FANCC: variants seen among roughly 807,000 people sequenced by gnomAD.
The protein encoded by FANCC is Fanconi anemia group C protein.
In FANCC, 55 loss-of-function variants were observed where a neutral mutation model predicts 71.3. The ratio of observed to expected loss-of-function variants is 0.77; its 90% CI spans 0.62 to 0.97. The LOEUF (loss-of-function observed/expected upper bound fraction) is 0.97. FANCC is among the 50% of genes least tolerant of loss of function. The pLI is 0.00. For synonymous variants in FANCC, 275 were observed against 244.9 expected, an observed-to-expected ratio of 1.12 and a Z score of -1.15; for missense variants, 678 against 670.9, an observed-to-expected ratio of 1.01 and a Z score of -0.12.
chr9:95,179,000 A>G (rs1182346845), intron 4 of FANCC, among the ~76,000 whole-genome samples: 1 of 152,164 alleles, frequency 6.6e-6, no homozygotes, highest in African/African-American at 2.4e-5. Context: ...TGATACTAAC[A>G]TTTCTTAGCC....
intron 4 of FANCC, among the ~76,000 whole-genome samples, chr9:95,232,054 A>C (rs1830040199): frequency 6.6e-6 from 1 of 152,234 alleles, no homozygotes; most frequent in African/African-American, 2.4e-5. Context: ...GAAGCACTGC[A>C]GCATCTGCTT....
In FANCC at chr9:95,284,915, T is replaced by C. The variant is rs919621804; in HGVS notation, c.-79+32611A>G. 1.4e-4 allele frequency among the ~76,000 whole-genome samples: 21 copies of C among 149,262 alleles called. No individual in the cohort carries two copies. The East Asian group carries it at 4.2e-3, about 29-fold the overall frequency. Reference sequence around the variant, plus strand: ...ACACACACACACACAAACATACGCATGCGCACACGCACAGAGAGAGACACG... The same window carrying C: ...ACACACACACACACAAACATACGCACGCGCACACGCACAGAGAGAGACACG... On this transcript the variant is annotated intron_variant, in intron 1 of 14. Coordinates refer to ENST00000289081, the MANE Select transcript of FANCC (RefSeq NM_000136.3).
chr9:95,107,709 T>C (rs2071563747), intron 13 of FANCC, among the ~76,000 whole-genome samples: 1 of 152,084 alleles, frequency 6.6e-6, no homozygotes, highest in South Asian at 2.1e-4. Flanking sequence ...CTTCTTGCTA[T>C]ATTGGGGGTC....
At chr9:95,180,680 C>T (rs962683585) in intron 4 of FANCC, among the ~76,000 whole-genome samples, 8 of 151,146 alleles carry the variant, frequency 5.3e-5, no homozygotes, top group African/African-American at 1.9e-4. Flanking sequence ...TCTAAAATAA[C>T]AAAAAGTATA....
At chr9:95,201,262 C>T (rs1827788594) in intron 4 of FANCC, among the ~76,000 whole-genome samples, 1 of 151,926 alleles carries the variant, frequency 6.6e-6, no homozygotes, top group African/African-American at 2.4e-5. Context: ...TAGCACACAC[C>T]CACCCGCTTG....
chr9:95,125,072 G>A lies in FANCC; in HGVS notation c.996+14C>T. The stretch of plus-strand genomic sequence containing the variant: ...TCTCTGGGATGAATGAGTAATATAT[G>A]TGATATAACAAACCTGCTTGCTTGC... On this transcript the variant is annotated intron_variant, in intron 10 of 14. Transcript: ENST00000289081. 1.2e-6 allele frequency: 2 copies of A among 1,603,414 alleles called. No individual in the cohort carries two copies. The highest frequency in any genetic ancestry group is 1.1e-5 in the South Asian group (1 of 90,846).
intron 7 of FANCC, among the ~76,000 whole-genome samples, chr9:95,148,110 C>A (rs1184398867): frequency 2.0e-5 from 3 of 152,206 alleles, no homozygotes; most frequent in African/African-American, 7.2e-5. Flanking sequence ...CACCACCACA[C>A]ACACACAGTC....
At chr9:95,101,919 C>T (rs990745009) in intron 14 of FANCC, 69 bp from the exon 15 acceptor site, 82 of 1,577,496 alleles carry the variant, frequency 5.2e-5, no homozygotes, top group South Asian at 9.0e-5. Flanking sequence ...TGTCCAGGGA[C>T]GGACCATAAC....
intron 7 of FANCC, among the ~76,000 whole-genome samples, chr9:95,138,994 T>A (rs1254986378): frequency 6.6e-6 from 1 of 152,238 alleles, no homozygotes; most frequent in African/African-American, 2.4e-5. Flanking sequence ...TAGATTTTGC[T>A]CTAAAACCTC....
At chr9:95,294,785 A>C in intron 1 of FANCC, 2 of 1,563,756 alleles carry the variant, frequency 1.3e-6, no homozygotes, top group Non-Finnish European at 1.7e-6. Context: ...ACTTCTGCGG[A>C]ACCACACACA....
chr9:95,199,098 G>A (rs886368309), intron 4 of FANCC, among the ~76,000 whole-genome samples: 1 of 152,074 alleles, frequency 6.6e-6, no homozygotes, highest in Non-Finnish European at 1.5e-5. Flanking sequence ...TTTCATTTCA[G>A]GATCTCCAAC....
At chr9:95,110,418 G>T in intron 13 of FANCC, 4 of 1,025,016 alleles carry the variant, frequency 3.9e-6, no homozygotes, top group Non-Finnish European at 4.7e-6. Context: ...CATCAACCAG[G>T]ATTTTCCTTA....
At position 95,153,767 on chromosome 9, in the gene FANCC, GTTTA is replaced by G. The variant is rs780844202; in HGVS notation, c.522-3684_522-3681del. On this transcript the variant is annotated intron_variant, in intron 6 of 14. Transcript: ENST00000289081. ...TTTTCTCCCACTCTGTTGGTTGTCTGTTTATTTCTTTGATGTAACTACTTGAAAT... is the reference window on the plus strand; with the variant it reads ...TTTTCTCCCACTCTGTTGGTTGTCTGTTTCTTTGATGTAACTACTTGAAAT... Among the ~76,000 whole-genome samples the G allele has an allele frequency of 4.3e-4, 65 of 152,244 alleles. 1 individual carries two copies. The Middle Eastern group carries it at 0.017, about 40-fold the overall frequency.
intron 3 of FANCC, among the ~76,000 whole-genome samples, chr9:95,243,433 C>T (rs1830748995): frequency 6.6e-6 from 1 of 152,122 alleles, no homozygotes; most frequent in Non-Finnish European, 1.5e-5. Context: ...TCTCCATGAA[C>T]ACTACATATG....
At chr9:95,163,618 G>A (rs1224745913) in intron 6 of FANCC, among the ~76,000 whole-genome samples, 1 of 152,228 alleles carries the variant, frequency 6.6e-6, no homozygotes, top group Non-Finnish European at 1.5e-5. Context: ...GGGAGGCCAA[G>A]GCAAGTGGAT....
chr9:95,297,853 T>C (rs1834478223), intron 1 of FANCC, among the ~76,000 whole-genome samples: 1 of 152,196 alleles, frequency 6.6e-6, no homozygotes, highest in African/African-American at 2.4e-5. Context: ...ATATGTTAAG[T>C]GTGAGGGGGA....
At chr9:95,301,906 T>A (rs1256675273) in intron 1 of FANCC, among the ~76,000 whole-genome samples, 4 of 117,526 alleles carry the variant, frequency 3.4e-5, no homozygotes, top group South Asian at 2.7e-4. Flanking sequence ...TGAAACCCCA[T>A]CTCCACTAAA....
At position 95,117,339 on chromosome 9, in the gene FANCC, T is replaced by C. The variant is rs863224607; in HGVS notation, c.1048A>G (p.Met350Val). The C allele has an allele frequency of 1.6e-5, 26 of 1,613,956 alleles. 1 individual carries two copies. The highest frequency in any genetic ancestry group is 2.0e-5 in the Non-Finnish European group (24 of 1,180,016). The change falls in exon 11 of 15, where the codon ATG becomes GTG. Residue 350 changes from methionine to valine, a missense_variant. By Grantham distance (21) the Met-to-Val change is conservative. Coordinates refer to ENST00000289081, the MANE Select transcript of FANCC (RefSeq NM_000136.3). ...CCTTGAGGGTCTTGCAGCAGCACCA[T>C]GGCAAGAGATGGAGAAGTGTAAGGA... is the stretch of plus-strand genomic sequence containing the variant. The part of the protein sequence containing the change: ...YFPYTSPSLA[M>V]VLLQDPQDIP...
intron 7 of FANCC, among the ~76,000 whole-genome samples, chr9:95,149,640 GACTAATT>G (rs1207992023): frequency 7.9e-5 from 12 of 152,002 alleles, no homozygotes; most frequent in African/African-American, 2.4e-4. Flanking sequence ...CACCATGCTT[GACTAATT>G]TTTGCATTTT....
Sources: gnomAD v4.1 joint callset for allele counts (sites outside exome capture counted in the v4.1 genomes callset) on GRCh38, gnomAD v4.1.1 for gene constraint, MANE v1.5 for transcripts, NCBI Gene and HGNC (gene_info 2026-07-23, HGNC 2026-07-21) for gene names.